The following COL10A1 variants were observed in gnomAD, a reference collection of about 807,000 sequenced individuals.
The protein encoded by COL10A1 is collagen type X alpha 1 chain.
In COL10A1, 10 loss-of-function variants were observed where a neutral mutation model predicts 18.2. The observed-to-expected ratio is 0.55, with a 90% CI of 0.34 to 0.93. The LOEUF (loss-of-function observed/expected upper bound fraction) is 0.93. COL10A1 is among the 40% of genes least tolerant of loss of function. The pLI is 0.02. For missense variants in COL10A1, 897 were observed against 853.5 expected (o/e 1.05, Z -0.64); for synonymous variants, 330 against 316.6 (o/e 1.04, Z -0.45).
At chr6:116,178,106 C>CGTGTGT in the COL10A1 span, among the ~76,000 whole-genome samples, 18 of 130,738 alleles carry the variant, frequency 1.4e-4, no homozygotes, top group African/African-American at 4.7e-4. Context: ...CGCGCGCGTG[C>CGTGTGT]GTGCGTGTGT....
chr6:116,178,106 CGTGCGTGTGTGT>C, the COL10A1 span, among the ~76,000 whole-genome samples: 3 of 130,740 alleles, frequency 2.3e-5, no homozygotes, highest in South Asian at 2.7e-4. Flanking sequence ...CGCGCGCGTG[CGTGCGTGTGTGT>C]GTGTGTGTGT....
the COL10A1 span, among the ~76,000 whole-genome samples, chr6:116,202,126 G>GAGTTAAATT: frequency 6.6e-6 from 1 of 151,954 alleles, no homozygotes; most frequent in Admixed American, 6.6e-5. Context: ...AATTTAACTT[G>GAGTTAAATT]AAGTAGCCAC....
At chr6:116,173,467 A>G in the COL10A1 span, among the ~76,000 whole-genome samples, 1 of 152,156 alleles carries the variant, frequency 6.6e-6, no homozygotes, top group Non-Finnish European at 1.5e-5. Context: ...TGAGAGAGGT[A>G]GGCAGCCTGT....
At chr6:116,144,128 GGATATTCT>G (rs1334916779) in intron 1 of COL10A1, among the ~76,000 whole-genome samples, 2 of 152,026 alleles carry the variant, frequency 1.3e-5, no homozygotes, top group Non-Finnish European at 2.9e-5. Context: ...TCAGATATTT[GGATATTCT>G]GGGGATTTAT....
At chr6:116,204,380 C>A in the COL10A1 span, among the ~76,000 whole-genome samples, 7 of 151,860 alleles carry the variant, frequency 4.6e-5, no homozygotes, top group African/African-American at 1.5e-4. Context: ...GATGCACTAC[C>A]TAATTAGTAA....
chr6:116,200,362 G>A, the COL10A1 span, among the ~76,000 whole-genome samples: 6 of 151,848 alleles, frequency 4.0e-5, no homozygotes, highest in African/African-American at 1.5e-4. Flanking sequence ...AGAGACATTA[G>A]GTAAAAATTA....
chr6:116,181,340 G>A, the COL10A1 span, among the ~76,000 whole-genome samples: 1 of 151,916 alleles, frequency 6.6e-6, no homozygotes, highest in Non-Finnish European at 1.5e-5. Flanking sequence ...AGCAAATTCA[G>A]AATATATAAA....
chr6:116,135,834 G>GATATATAT lies in COL10A1; in HGVS notation c.-15-10335_-15-10328dup, dbSNP rs199827970. ...ATTTATGGTATACAATATATTTTCA[G>GATATATAT]ATATATATATATATATATATATATA... On this transcript the variant is annotated intron_variant, in intron 1 of 1. Transcript: ENST00000418500. Among the ~76,000 whole-genome samples, 469 of 102,208 alleles carry GATATATAT rather than the reference G, an allele frequency of 4.6e-3. 3 individuals carry two copies. Among genetic ancestry groups the GATATATAT allele is most frequent in the East Asian group, 6.2e-3 (24 of 3,862 alleles). 67.1% of individuals were successfully genotyped at this position (102,208 alleles called of 152,430 possible).
chr6:116,171,457 G>C, the COL10A1 span, among the ~76,000 whole-genome samples: 1 of 152,132 alleles, frequency 6.6e-6, no homozygotes, highest in Admixed American at 6.6e-5. Context: ...GTTAGTGGTG[G>C]TAAAGATGAT....
intron 1 of COL10A1, among the ~76,000 whole-genome samples, chr6:116,148,846 A>G (rs1779963007): frequency 6.6e-6 from 1 of 152,186 alleles, no homozygotes; most frequent in South Asian, 2.1e-4. Flanking sequence ...AGTAAAGCAT[A>G]ACAGGGAAAA....
Position 116,120,754 on chromosome 6 carries a change from A to G in COL10A1, c.1362T>C (p.Ile454=). Residue 454 remains isoleucine, a synonymous_variant, in exon 3 of 3, where the codon ATT becomes ATC. Coordinates refer to ENST00000651968, the MANE Select transcript of COL10A1 (RefSeq NM_000493.4). ...APGIPGTRGP[I]GPPGIPGFPG... is the part of the protein sequence containing the mutation. ...GGAATCCTGGAATGCCTGGTGGCCC[A>G]ATAGGGCCTCTAGTACCTGGTATTC... 3.1e-6 allele frequency: 5 copies of G among 1,607,592 alleles called. No individual in the cohort carries two copies. The highest frequency in any genetic ancestry group is 3.4e-6 in the Non-Finnish European group (4 of 1,177,478).
chr6:116,168,198 CCTTTTCT>C, the COL10A1 span, among the ~76,000 whole-genome samples: 2 of 150,532 alleles, frequency 1.3e-5, no homozygotes, highest in African/African-American at 4.9e-5. Flanking sequence ...TTGTTCTGCT[CCTTTTCT>C]CTTTTCTCTC....
At chr6:116,179,193 A>G in the COL10A1 span, among the ~76,000 whole-genome samples, 2 of 152,150 alleles carry the variant, frequency 1.3e-5, no homozygotes, top group African/African-American at 4.8e-5. Context: ...TAAAAATATT[A>G]AATAACATAT....
At chr6:116,122,370 C>G (rs1474821937) in intron 2 of COL10A1, among the ~76,000 whole-genome samples, 1 of 152,160 alleles carries the variant, frequency 6.6e-6, no homozygotes, top group Non-Finnish European at 1.5e-5. Flanking sequence ...CAAAGCTACC[C>G]TGTCAGACAT....
chr6:116,201,101 G>T, the COL10A1 span, among the ~76,000 whole-genome samples: 3 of 151,990 alleles, frequency 2.0e-5, no homozygotes, highest in Non-Finnish European at 2.9e-5. Context: ...TTGCCCAAGA[G>T]GTACTGCACC....
At chr6:116,133,272 C>T (rs1341121314) in intron 1 of COL10A1, among the ~76,000 whole-genome samples, 1 of 152,182 alleles carries the variant, frequency 6.6e-6, no homozygotes, top group Non-Finnish European at 1.5e-5. Context: ...CAACCATTCA[C>T]ACATGTTAGT....
At chr6:116,180,770 C>G in the COL10A1 span, among the ~76,000 whole-genome samples, 1 of 151,910 alleles carries the variant, frequency 6.6e-6, no homozygotes, top group Non-Finnish European at 1.5e-5. Flanking sequence ...GACCCAATTT[C>G]ATCAGTGAAT....
chr6:116,181,834 A>T, the COL10A1 span, among the ~76,000 whole-genome samples: 1 of 152,126 alleles, frequency 6.6e-6, no homozygotes, highest in Admixed American at 6.6e-5. Flanking sequence ...CAAATTAATT[A>T]TATAAATTCA....
chr6:116,168,969 C>T, the COL10A1 span, among the ~76,000 whole-genome samples: 1 of 152,154 alleles, frequency 6.6e-6, no homozygotes, highest in Non-Finnish European at 1.5e-5. Context: ...TTGGGTCAAC[C>T]TGGAGAGCTC....
Sources: allele counts gnomAD v4.1 joint callset (sites outside exome capture counted in the v4.1 genomes callset), GRCh38; gene constraint gnomAD v4.1.1; transcripts MANE v1.5; gene names NCBI Gene and HGNC (gene_info 2026-07-23, HGNC 2026-07-21).